The following TPCN2 variants were observed in gnomAD, a reference collection of about 807,000 sequenced individuals.
TPCN2 encodes the protein two pore channel protein 2.
Under a neutral mutation model 111.4 loss-of-function variants are expected in TPCN2, and 92 were observed. The ratio of observed to expected loss-of-function variants is 0.83; its 90% confidence interval spans 0.70 to 0.98. TPCN2 has a LOEUF of 0.98. Among genes scored for constraint, TPCN2 ranks in the 50% least tolerant of loss-of-function variants. The probability of loss-of-function intolerance (pLI) is 0.00; values close to 1 mark genes in which losing one functional copy is unlikely to be tolerated. For missense variants in TPCN2, 995 were observed against 980.1 expected (o/e 1.02, Z -0.20); for synonymous variants, 405 against 414.5 (o/e 0.98, Z 0.28).
At chr11:69,079,680 A>T (rs1415927186) in intron 16 of TPCN2, 154 bp from the exon 17 acceptor site, 1 of 635,630 alleles carries the variant, frequency 1.6e-6, no homozygotes, top group Admixed American at 3.1e-5. Context: ...TGACATCTGG[A>T]ACCAACCCGT....
At chr11:69,087,381 GCTT>G (rs1414078546) in intron 24 of TPCN2, among the ~76,000 whole-genome samples, 175 bp downstream of exon 24, 2 of 152,180 alleles carry the variant, frequency 1.3e-5, no homozygotes, top group Admixed American at 6.5e-5. Context: ...GATCGGGGCG[GCTT>G]CTTCTTCCTG....
intron 16 of TPCN2, chr11:69,079,382 C>A: frequency 3.2e-6 from 1 of 308,058 alleles, no homozygotes; most frequent in South Asian, 6.4e-5. Context: ...AGCGAGGGGC[C>A]AGGGGGCTCT....
At chr11:69,063,867 C>G (rs1463217708) in intron 6 of TPCN2, 28 bp from the exon 7 acceptor site, 1 of 1,611,830 alleles carries the variant, frequency 6.2e-7, no homozygotes, top group Non-Finnish European at 8.5e-7. Flanking sequence ...GCCGCCTGGC[C>G]CAGGCTGAGT....
Position 69,062,990 on chromosome 11 carries a change from G to C in TPCN2, c.653G>C (p.Ser218Thr), listed in dbSNP as rs746668183. The C allele has an allele frequency of 1.1e-5, 18 of 1,613,744 alleles. No individual in the cohort carries two copies. Among genetic ancestry groups the C allele is most frequent in the Non-Finnish European group, 1.5e-5 (18 of 1,179,700 alleles). Residue 218 changes from serine (S) to threonine (T), a missense_variant and splice_region_variant, in exon 6 of 25, where the codon AGC (serine) becomes ACC (threonine). Ser to Thr is a moderately conservative substitution (Grantham distance 58, BLOSUM62 1). Transcript: ENST00000294309. ...CIRWSLPEMA[S>T]VGLLLAIHLC... is the part of the protein sequence containing the mutation. ...CGCTGGTCGCTGCCGGAAATGGCCA[G>C]GTGGGCTCTTGGTGCTCTGGGCTCG...
intron 8 of TPCN2, among the ~76,000 whole-genome samples, chr11:69,068,212 C>G (rs888933439): frequency 6.6e-6 from 1 of 152,214 alleles, no homozygotes; most frequent in South Asian, 2.1e-4. Context: ...TTTCATCTTG[C>G]GGACCCTGAG....
intron 21 of TPCN2, 39 bp downstream of exon 21, chr11:69,085,791 GC>G: frequency 1.2e-6 from 2 of 1,613,026 alleles, no homozygotes; most frequent in African/African-American, 2.7e-5. Flanking sequence ...TGCTCCCCGG[GC>G]TCCTCCCCTC....
rs539222792 is a variant in TPCN2, at chr11:69,085,547, C to G, written c.1839-124C>G. 5.3e-5 allele frequency: 40 copies of G among 758,550 alleles called. No individual in the cohort carries two copies. The African/African-American group carries it at 6.5e-4, about 12-fold the overall frequency. 47.0% of individuals were successfully genotyped at this position (758,550 alleles called of 1,614,324 possible). On this transcript the variant is annotated intron_variant, in intron 20 of 24. Coordinates refer to ENST00000294309, the MANE Select transcript of TPCN2 (RefSeq NM_139075.4). Reference sequence around the variant, plus strand: ...AGCAGCACTTTCCCTGCCCTCTGAGCCTCTGTATCCCAATTTGTACCTTCA... The same window carrying G: ...AGCAGCACTTTCCCTGCCCTCTGAGGCTCTGTATCCCAATTTGTACCTTCA...
chr11:69,049,048 C>T lies in TPCN2; in HGVS notation c.51C>T (p.Gly17=), dbSNP rs1250280046. The T allele has an allele frequency of 7.2e-6, 9 of 1,242,100 alleles. No homozygotes were observed. The highest frequency in any genetic ancestry group is 8.1e-6 in the Non-Finnish European group (8 of 988,610). The allele number at this position is 1,242,100 out of a possible 1,614,324, so 76.9% of individuals were successfully genotyped here. A position where few individuals can be genotyped will look rare whatever the true frequency, so the allele number is the denominator to read the frequency against. ...AGCCCCTGCTGGGCGGGGCCCGCGGCGGTGGCGGCGACTGGCCGGCGGGGC... is the reference window on the plus strand; with the variant it reads ...AGCCCCTGCTGGGCGGGGCCCGCGGTGGTGGCGGCGACTGGCCGGCGGGGC... ...ESEPLLGGAR[G]GGGDWPAGLT... The change falls in exon 1 of 25, where the codon GGC becomes GGT. Residue 17 remains glycine (G), a synonymous_variant. Transcript: ENST00000294309.
chr11:69,076,675 GCCGTGT>G, intron 13 of TPCN2, among the ~76,000 whole-genome samples: 1 of 84,712 alleles, frequency 1.2e-5, no homozygotes, highest in Non-Finnish European at 2.3e-5. Flanking sequence ...CTGCCCTCCT[GCCGTGT>G]CCCTCCACCT....
intron 13 of TPCN2, among the ~76,000 whole-genome samples, chr11:69,076,049 T>C (rs895259940): frequency 1.3e-5 from 2 of 152,140 alleles, no homozygotes; most frequent in Non-Finnish European, 2.9e-5. Context: ...GAAAGTGTCA[T>C]GTACGGCAGT....
At chr11:69,084,108 C>T (rs963475859) in intron 19 of TPCN2, 92 bp downstream of exon 19, 1 of 1,306,880 alleles carries the variant, frequency 7.7e-7, no homozygotes, top group Non-Finnish European at 1.1e-6. Context: ...GCTCACTGCT[C>T]TGTCGGTAGG....
chr11:69,057,471 C>T (rs759844286), intron 4 of TPCN2, 107 bp from the exon 5 acceptor site: 25 of 1,050,162 alleles, frequency 2.4e-5, no homozygotes, highest in Non-Finnish European at 3.3e-5. Flanking sequence ...GTTGTGGAGG[C>T]GCACCCTGCT....
At position 69,079,891 on chromosome 11, in the gene TPCN2, A is replaced by G. The variant is rs1489503075; in HGVS notation, c.1589+8A>G. ...ATTGCCACACCCAGGCTGGTATGTG[A>G]CTGGGCAGAACCGAGGGCGGCTACA... On this transcript the variant is annotated splice_region_variant and intron_variant, in intron 17 of 24. Coordinates refer to ENST00000294309, the MANE Select transcript of TPCN2 (RefSeq NM_139075.4). The G allele has an allele frequency of 6.2e-7, 1 of 1,613,376 alleles. No homozygotes were observed. Among genetic ancestry groups the G allele is most frequent in the East Asian group, 2.2e-5 (1 of 44,892 alleles).
At chr11:69,078,138 T>TA (rs1229714048) in intron 13 of TPCN2, among the ~76,000 whole-genome samples, 1 of 150,430 alleles carries the variant, frequency 6.6e-6, no homozygotes, top group Non-Finnish European at 1.5e-5. Context: ...GTATATCACT[T>TA]ACCTGTGTTT....
chr11:69,054,046 G>A lies in TPCN2; in HGVS notation c.123G>A (p.Arg41=). ...SIQVGPGAAA[R]WDLCIDQAVV... is the part of the protein sequence containing the mutation. ...CTCTGCCTGCAGGTGCCGCGGCCAG[G>A]TGGGACCTCTGCATTGATCAGGCTG... The change falls in exon 2 of 25, where the codon AGG becomes AGA. Residue 41 remains arginine, a synonymous_variant. Transcript: ENST00000294309. The A allele has an allele frequency of 6.2e-7, 1 of 1,613,870 alleles. No individual in the cohort carries two copies. Among genetic ancestry groups the A allele is most frequent in the East Asian group, 2.2e-5 (1 of 44,870 alleles).
At chr11:69,067,746 C>T (rs574801370) in intron 8 of TPCN2, 141 bp downstream of exon 8, 5 of 626,976 alleles carry the variant, frequency 8.0e-6, no homozygotes, top group Admixed American at 6.1e-5. Context: ...GTGACATTTT[C>T]CTTCCTCCCC....
At chr11:69,058,290 TA>T (rs1854863879) in intron 5 of TPCN2, among the ~76,000 whole-genome samples, 1 of 152,034 alleles carries the variant, frequency 6.6e-6, no homozygotes, top group Non-Finnish European at 1.5e-5. Context: ...CAGAGGGCCT[TA>T]AACAGGCTCC....
rs1337070378 is a variant in TPCN2, at chr11:69,078,760, G to T, written c.1377G>T (p.Val459=). ...ICVFLVLDAD[V]LPAERDDFIL... is the part of the protein sequence containing the mutation. ...TGTTCCTGGTGCTGGATGCAGATGT[G>T]CTGCCTGCTGAGCGTGATGACTTCA... The change falls in exon 15 of 25, where the codon GTG becomes GTT. Residue 459 remains valine (V), a synonymous_variant. Coordinates refer to ENST00000294309, the MANE Select transcript of TPCN2 (RefSeq NM_139075.4). 1 of 1,614,062 alleles carries T rather than the reference G, an allele frequency of 6.2e-7. No homozygotes were observed. The highest frequency in any genetic ancestry group is 1.1e-5 in the South Asian group (1 of 91,092).
At chr11:69,060,240 T>C (rs754655842) in intron 5 of TPCN2, among the ~76,000 whole-genome samples, 3 of 152,246 alleles carry the variant, frequency 2.0e-5, no homozygotes, top group Non-Finnish European at 2.9e-5. Context: ...ACTGCAGAGC[T>C]TTCCCTTCTG....
Sources: allele counts gnomAD v4.1 joint callset (sites outside exome capture counted in the v4.1 genomes callset), GRCh38; gene constraint gnomAD v4.1.1; transcripts MANE v1.5; gene names NCBI Gene and HGNC (gene_info 2026-07-23, HGNC 2026-07-21).